Variants in KALRN observed in about 807,000 individuals in gnomAD.
The protein encoded by KALRN is kalirin RhoGEF kinase, also known as kalirin.
KALRN carries 70 observed loss-of-function variants against 353.7 expected under a neutral mutation model. That is an observed-to-expected ratio of 0.20 (90% confidence interval 0.16 to 0.24). The LOEUF is 0.24. Among genes scored for constraint, KALRN ranks in the 10% least tolerant of loss-of-function variants. The probability of loss-of-function intolerance (pLI) is 1.00; values close to 1 mark genes in which losing one functional copy is unlikely to be tolerated. For synonymous variants in KALRN, 1,391 were observed against 1,434.8 expected (o/e 0.97, Z 0.69); for missense variants, 2,791 against 3,756.7 (o/e 0.74, Z 6.72).
At chr3:124,294,837 C>T (rs899426881) in intron 5 of KALRN, among the ~76,000 whole-genome samples, 1 of 152,150 alleles carries the variant, frequency 6.6e-6, no homozygotes, top group Admixed American at 6.5e-5. Flanking sequence ...AAAATGCATT[C>T]TATACATTTC....
At chr3:124,537,346 G>T (rs533179131) in intron 33 of KALRN, among the ~76,000 whole-genome samples, 1 of 152,268 alleles carries the variant, frequency 6.6e-6, no homozygotes, top group Non-Finnish European at 1.5e-5. Flanking sequence ...CTGGCCAAGA[G>T]AAATTTTTTA....
chr3:124,506,663 G>C (rs1275881296), intron 33 of KALRN, among the ~76,000 whole-genome samples: 1 of 152,154 alleles, frequency 6.6e-6, no homozygotes, highest in Non-Finnish European at 1.5e-5. Flanking sequence ...ATACCTCTTT[G>C]AATGTTATGA....
At chr3:124,513,834 C>T (rs1162105186) in intron 33 of KALRN, among the ~76,000 whole-genome samples, 1 of 152,102 alleles carries the variant, frequency 6.6e-6, no homozygotes, top group South Asian at 2.1e-4. Context: ...GGCATACCTC[C>T]GCACCACCTA....
chr3:124,292,423 A>G (rs935311182), intron 5 of KALRN, among the ~76,000 whole-genome samples: 9 of 152,210 alleles, frequency 5.9e-5, no homozygotes, highest in African/African-American at 2.2e-4. Context: ...TCTAATAGTG[A>G]GAGTTGAGGT....
intron 18 of KALRN, among the ~76,000 whole-genome samples, chr3:124,439,682 C>T (rs1000492139): frequency 4.6e-5 from 7 of 152,170 alleles, no homozygotes; most frequent in African/African-American, 7.2e-5. Context: ...ACTGTTCATT[C>T]TTCTGTATTA....
intron 9 of KALRN, among the ~76,000 whole-genome samples, chr3:124,338,478 T>C (rs1254989829): frequency 1.3e-5 from 2 of 152,252 alleles, no homozygotes; most frequent in Non-Finnish European, 2.9e-5. Flanking sequence ...AGTTCTAATT[T>C]GATTGGACTG....
chr3:124,614,030 C>T (rs1039365059), intron 34 of KALRN, among the ~76,000 whole-genome samples: 10 of 152,158 alleles, frequency 6.6e-5, no homozygotes, highest in African/African-American at 1.4e-4. Context: ...AGAAGAGACT[C>T]ATGGGTTGAG....
intron 7 of KALRN, among the ~76,000 whole-genome samples, chr3:124,329,543 G>A (rs1047390622): frequency 2.0e-5 from 3 of 152,206 alleles, no homozygotes; most frequent in African/African-American, 4.8e-5. Flanking sequence ...GTGGAATGTG[G>A]TGAGCTGTTT....
chr3:124,103,281 T>G (rs534327743), intron 1 of KALRN, among the ~76,000 whole-genome samples: 10 of 152,270 alleles, frequency 6.6e-5, no homozygotes, highest in Admixed American at 3.9e-4. Flanking sequence ...GTGTGGTGTT[T>G]CCATCCAGTG....
rs181690093 is a variant in KALRN at position 124,063,402 on chromosome 3, C to T, written c.73+29589C>T. ...GGAAACACTGGGTCATTTCAAGAGGCGTGGTCTCCTCGGTGGAGGGGTGGG... is the reference window on the plus strand; with the variant it reads ...GGAAACACTGGGTCATTTCAAGAGGTGTGGTCTCCTCGGTGGAGGGGTGGG... On this transcript the variant is annotated intron_variant, in intron 1 of 59. Transcript: ENST00000682506. Among the ~76,000 whole-genome samples, 224 of 152,188 alleles carry T rather than the reference C, an allele frequency of 1.5e-3. 4 individuals are homozygous for T. The highest frequency in any genetic ancestry group is 3.4e-3 in the Middle Eastern group (1 of 294).
chr3:124,277,996 A>ATGTGTGTGTGTGTGTG (rs3054178), intron 5 of KALRN, among the ~76,000 whole-genome samples: 1,629 of 146,176 alleles, frequency 0.011, 9 homozygotes, highest in East Asian at 0.047. Context: ...GAGATGAACT[A>ATGTGTGTGTGTGTGTG]TGTGTGTGTG....
intron 1 of KALRN, among the ~76,000 whole-genome samples, chr3:124,164,851 A>T (rs1333004069): frequency 6.6e-6 from 1 of 152,254 alleles, no homozygotes; most frequent in Non-Finnish European, 1.5e-5. Context: ...TGCAAGAAGC[A>T]GCATGGTTTT....
At chr3:124,419,071 A>G (rs2092656944) in intron 14 of KALRN, among the ~76,000 whole-genome samples, 1 of 151,854 alleles carries the variant, frequency 6.6e-6, no homozygotes, top group Admixed American at 6.6e-5. Flanking sequence ...AACTCAGTCT[A>G]AAAGAAAAAA....
At chr3:124,566,008 T>C (rs573604228) in intron 34 of KALRN, among the ~76,000 whole-genome samples, 6 of 152,332 alleles carry the variant, frequency 3.9e-5, no homozygotes, top group South Asian at 2.1e-4. Context: ...TTCCAGCTAA[T>C]TCTGCCAACC....
At chr3:124,470,613 TC>T (rs1328470473) in intron 25 of KALRN, among the ~76,000 whole-genome samples, 1 of 152,192 alleles carries the variant, frequency 6.6e-6, no homozygotes, top group Non-Finnish European at 1.5e-5. Flanking sequence ...TCTGGAAGCA[TC>T]CTGGAATCTA....
intron 1 of KALRN, chr3:124,094,868 C>G (rs1465719025): frequency 6.2e-7 from 1 of 1,613,974 alleles, no homozygotes; most frequent in Non-Finnish European, 8.5e-7. Context: ...CCAGTGGTAT[C>G]TCTGGTATCT....
At chr3:124,580,812 G>A (rs1027402647) in intron 34 of KALRN, among the ~76,000 whole-genome samples, 1 of 152,058 alleles carries the variant, frequency 6.6e-6, no homozygotes, top group African/African-American at 2.4e-5. Flanking sequence ...CATGTTGTTT[G>A]AGATTTCCTT....
At chr3:124,384,752 C>T (rs1353628781) in intron 10 of KALRN, 93 bp from the exon 11 acceptor site, 1 of 1,261,514 alleles carries the variant, frequency 7.9e-7, no homozygotes, top group Non-Finnish European at 1.1e-6. Flanking sequence ...GCTCAGCGCC[C>T]ACGCCCCTCC....
chr3:124,186,371 C>A (rs2074233451), intron 1 of KALRN, among the ~76,000 whole-genome samples: 1 of 152,124 alleles, frequency 6.6e-6, no homozygotes, highest in Non-Finnish European at 1.5e-5. Context: ...CCTCAGCATT[C>A]CCAAATGTAA....
Sources: gnomAD v4.1 joint callset for allele counts (sites outside exome capture counted in the v4.1 genomes callset) on GRCh38, gnomAD v4.1.1 for gene constraint, MANE v1.5 for transcripts, NCBI Gene and HGNC (gene_info 2026-07-23, HGNC 2026-07-21) for gene names.